The following DMD variants were observed in gnomAD, a reference collection of about 807,000 sequenced individuals.
The protein encoded by DMD is dystrophin, also known as mutant dystrophin.
A neutral mutation model predicts 330.1 loss-of-function variants in DMD; 63 were observed. That is an observed-to-expected ratio of 0.19 (90% CI 0.16 to 0.24). The LOEUF is 0.24. Ranked by LOEUF, DMD falls within the 10% of genes least tolerant of loss-of-function variation. DMD has a pLI of 1.00. For synonymous variants in DMD, 1,223 were observed against 959.8 expected (o/e 1.27, Z -5.07); for missense variants, 3,344 against 2,684.1 (o/e 1.25, Z -5.43).
At chrX:32,809,707 A>C (rs2077204137) in intron 6 of DMD, 96 bp from the exon 7 acceptor site, 2 of 695,828 alleles carry the variant, frequency 2.9e-6, no homozygotes, top group East Asian at 3.3e-5. Context: ...TTTCATTGAC[A>C]ACCAATGCCC....
chrX:32,518,416 T>A (rs1016121554), intron 17 of DMD, among the ~76,000 whole-genome samples: 1 of 109,901 alleles, frequency 9.1e-6, no homozygotes, highest in Non-Finnish European at 1.9e-5. Flanking sequence ...TGCTTGAATG[T>A]TTCCACTATT....
At chrX:31,425,695 T>TACACACACACACACACACAC (rs58343053) in intron 60 of DMD, among the ~76,000 whole-genome samples, 1,098 of 103,558 alleles carry the variant, frequency 0.011, 12 homozygotes, top group African/African-American at 0.038. Context: ...CAGGCATGAG[T>TACACACACACACACACACAC]ACACACACAC....
chrX:32,220,610 A>T (rs745465533), intron 43 of DMD, among the ~76,000 whole-genome samples: 2 of 110,571 alleles, frequency 1.8e-5, no homozygotes, highest in Non-Finnish European at 3.8e-5. Flanking sequence ...CTACTTTTAA[A>T]CTCTTTTCCA....
chrX:32,436,074 T>A (rs988835587), intron 29 of DMD, among the ~76,000 whole-genome samples: 11 of 112,129 alleles, frequency 9.8e-5, no homozygotes, highest in African/African-American at 3.2e-4. Context: ...GCTCACTGGC[T>A]ATAGACTTGT....
chrX:32,460,239 G>T (rs1026442404), intron 25 of DMD, among the ~76,000 whole-genome samples: 1 of 110,925 alleles, frequency 9.0e-6, no homozygotes, highest in Non-Finnish European at 1.9e-5. Context: ...TGGCACGGAT[G>T]CAGATAAAAA....
intron 15 of DMD, among the ~76,000 whole-genome samples, chrX:32,569,758 C>T (rs911521927): frequency 9.0e-6 from 1 of 111,090 alleles, no homozygotes; most frequent in Non-Finnish European, 1.9e-5. Context: ...TTCCTAAGTA[C>T]TTCTGTAGCC....
At chrX:31,468,659 TCTGTAGATGTCTATTAAGTC>T (rs1397332913) in intron 59 of DMD, among the ~76,000 whole-genome samples, 1 of 111,476 alleles carries the variant, frequency 9.0e-6, no homozygotes, top group African/African-American at 3.3e-5. Flanking sequence ...GGTGGGGAGT[TCTGTAGATGTCTATTAAGTC>T]CACTTGGTCC....
At chrX:32,478,942 G>T (rs1023896133) in intron 21 of DMD, among the ~76,000 whole-genome samples, 3 of 110,799 alleles carry the variant, frequency 2.7e-5, no homozygotes, top group Non-Finnish European at 5.7e-5. Context: ...CATAAATACT[G>T]CTCTATTATT....
At chrX:32,807,874 A>G (rs1303449506) in intron 7 of DMD, among the ~76,000 whole-genome samples, 2 of 111,996 alleles carry the variant, frequency 1.8e-5, no homozygotes, top group Non-Finnish European at 3.8e-5. Flanking sequence ...CTGTTTTATG[A>G]AAGGATAGGA....
At chrX:33,231,133 C>T (rs1207551854) in intron 1 of DMD, among the ~76,000 whole-genome samples, 1 of 111,287 alleles carries the variant, frequency 9.0e-6, no homozygotes, top group African/African-American at 3.3e-5. Flanking sequence ...AAACTCAGAA[C>T]TCAAGGGTGA....
chrX:31,573,505 G>C (rs1389444736), intron 55 of DMD, among the ~76,000 whole-genome samples: 2 of 111,461 alleles, frequency 1.8e-5, no homozygotes, highest in Non-Finnish European at 3.8e-5. Flanking sequence ...TTCATACAAG[G>C]TTGTACTCTG....
chrX:33,104,070 C>T (rs917765432), intron 1 of DMD, among the ~76,000 whole-genome samples: 1 of 111,290 alleles, frequency 9.0e-6, no homozygotes, highest in Admixed American at 9.6e-5. Context: ...TGATAGTGCT[C>T]ATTAGGAATT....
At chrX:31,930,342 A>G (rs2094838132) in intron 46 of DMD, among the ~76,000 whole-genome samples, 1 of 111,094 alleles carries the variant, frequency 9.0e-6, no homozygotes, top group African/African-American at 3.3e-5. Context: ...CAGGACACAA[A>G]TCTAGCAAGC....
At chrX:33,022,208 A>T (rs759745593) in intron 1 of DMD, among the ~76,000 whole-genome samples, 6 of 111,493 alleles carry the variant, frequency 5.4e-5, no homozygotes, top group Non-Finnish European at 1.1e-4. Flanking sequence ...AACATACCCA[A>T]AACCCTCTGC....
chrX:32,300,319 G>C (rs939904907), intron 42 of DMD, among the ~76,000 whole-genome samples: 1 of 111,656 alleles, frequency 9.0e-6, no homozygotes, highest in African/African-American at 3.3e-5. Flanking sequence ...CAAGACATTA[G>C]CTGTTGAACA....
At chrX:32,755,023 T>C (rs981943915) in intron 7 of DMD, 4 of 111,417 alleles carry the variant, frequency 3.6e-5, no homozygotes, top group African/African-American at 1.3e-4. Context: ...AGCCTTTCCT[T>C]ACGGCCTGAG....
At chrX:32,326,076 T>G (rs1233040443) in intron 41 of DMD, among the ~76,000 whole-genome samples, 1 of 112,033 alleles carries the variant, frequency 8.9e-6, no homozygotes, top group Non-Finnish European at 1.9e-5. Flanking sequence ...GCTGAAAAGT[T>G]TTCCTCTTTG....
Position 32,664,238 on chromosome X carries a change from G to GTTT in DMD, c.961-19089_961-19087dup, listed in dbSNP as rs59135933. The stretch of plus-strand genomic sequence containing the variant: ...CCTGGTTAAGGTGGACCTGGCATAG[G>GTTT]TTTTTTTTTTTTTTTTTTTTTGAGA... On this transcript the variant is annotated intron_variant, in intron 9 of 78. Coordinates refer to ENST00000357033, the MANE Select transcript of DMD (RefSeq NM_004006.3). Among the ~76,000 whole-genome samples the GTTT allele has an allele frequency of 1.9e-3, 165 of 86,810 alleles. 2 individuals are homozygous for GTTT. Among genetic ancestry groups the GTTT allele is most frequent in the Admixed American group, 0.012 (92 of 7,681 alleles). 75.4% of individuals were successfully genotyped at this position (86,810 alleles called of 115,157 possible).
At chrX:31,322,358 T>A (rs999339919) in intron 62 of DMD, among the ~76,000 whole-genome samples, 1 of 112,055 alleles carries the variant, frequency 8.9e-6, no homozygotes, top group African/African-American at 3.2e-5. Flanking sequence ...ATAAAGCATG[T>A]GATTTAAATA....
Sources: gnomAD v4.1 joint callset for allele counts (sites outside exome capture counted in the v4.1 genomes callset) on GRCh38, gnomAD v4.1.1 for gene constraint, MANE v1.5 for transcripts, NCBI Gene and HGNC (gene_info 2026-07-23, HGNC 2026-07-21) for gene names.